TBC1D31: variants seen among roughly 807,000 people sequenced by gnomAD.
The protein encoded by TBC1D31 is TBC1 domain family member 31.
Under a neutral mutation model 132.9 loss-of-function variants are expected in TBC1D31, and 99 were observed. The ratio of observed to expected loss-of-function variants is 0.74; its 90% confidence interval spans 0.63 to 0.88. The LOEUF (loss-of-function observed/expected upper bound fraction) is 0.88. Among genes scored for constraint, TBC1D31 ranks in the 40% least tolerant of loss-of-function variants. TBC1D31 has a pLI of 0.00. For missense variants in TBC1D31, 1,134 were observed against 1,256.6 expected, an observed-to-expected ratio of 0.90 and a Z score of 1.48; for synonymous variants, 385 against 419.4, an observed-to-expected ratio of 0.92 and a Z score of 1.00.
At chr8:123,077,668 A>C (rs1044645102) in intron 2 of TBC1D31, among the ~76,000 whole-genome samples, 2 of 151,976 alleles carry the variant, frequency 1.3e-5, no homozygotes, top group Non-Finnish European at 2.9e-5. Context: ...TAGTTTGTCA[A>C]TTTCTGGTAC....
Position 123,146,511 on chromosome 8 carries a change from A to G in TBC1D31, c.2974+1656A>G, listed in dbSNP as rs138670217. Among the ~76,000 whole-genome samples the G allele has an allele frequency of 1.1e-4, 16 of 152,046 alleles. 1 individual carries two copies. In the East Asian group the frequency reaches 2.3e-3, roughly 22 times the overall value. ...ATGTACCAGTACTTCATTCCTTTTT[A>G]TTGCTGAATAATATTCCATTGTGTG... On this transcript the variant is annotated intron_variant, in intron 20 of 21. Transcript: ENST00000287380.
downstream of TBC1D31, among the ~76,000 whole-genome samples, chr8:123,155,964 G>C (rs531268829): frequency 1.1e-4 from 16 of 152,134 alleles, no homozygotes; most frequent in Non-Finnish European, 2.1e-4. The surrounding 1 kb of genome is among the most constrained non-coding windows in gnomAD (Gnocchi z 4.1). Context: ...AAACCAACCC[G>C]TGGTTATTTT....
rs1278454002 is a variant in TBC1D31, at chr8:123,082,597, C to A, written c.225-105C>A. The A allele has an allele frequency of 1.3e-5, 10 of 745,376 alleles. No homozygotes were observed. The East Asian group carries it at 1.9e-4, about 14-fold the overall frequency. 46.2% of individuals were successfully genotyped at this position (745,376 alleles called of 1,614,324 possible). A position where few individuals can be genotyped will look rare whatever the true frequency, so the allele number is the denominator to read the frequency against. On this transcript the variant is annotated intron_variant, in intron 2 of 21. Coordinates refer to ENST00000287380, the MANE Select transcript of TBC1D31 (RefSeq NM_145647.4). ...ATCTATTTTTGGCCTAAAATGGTAGCTCATTTTTCTGGGTTTCATTTTCTT... is the reference window on the plus strand; with the variant it reads ...ATCTATTTTTGGCCTAAAATGGTAGATCATTTTTCTGGGTTTCATTTTCTT...
Position 123,097,609 on chromosome 8 carries a change from C to T in TBC1D31, c.831+168C>T, listed in dbSNP as rs1481018147. 3 of 679,174 alleles carry T rather than the reference C, an allele frequency of 4.4e-6. No individual in the cohort carries two copies. In the East Asian group the frequency reaches 9.0e-5, roughly 20 times the overall value. The allele number at this position is 679,174 out of a possible 1,614,324, so 42.1% of individuals were successfully genotyped here. On this transcript the variant is annotated intron_variant, in intron 6 of 21. Transcript: ENST00000287380. ...CTAGGATTGAAAAAAATTTCAAAAT[C>T]TTGTATTCTTTATACCATTGACAAT...
At chr8:123,136,456 G>T (rs1047920450) in intron 17 of TBC1D31, among the ~76,000 whole-genome samples, 1 of 152,138 alleles carries the variant, frequency 6.6e-6, no homozygotes, top group African/African-American at 2.4e-5. Context: ...TCCTGCAACA[G>T]AAGTTATGTT....
chr8:123,086,444 G>A (rs1319938876), intron 4 of TBC1D31, among the ~76,000 whole-genome samples: 2 of 152,150 alleles, frequency 1.3e-5, no homozygotes, highest in East Asian at 1.9e-4. Context: ...TGCCAGAGCC[G>A]GCAGGGTGTG....
intron 5 of TBC1D31, among the ~76,000 whole-genome samples, chr8:123,093,966 T>TTG (rs776616323): frequency 1.3e-5 from 2 of 151,994 alleles, no homozygotes; most frequent in East Asian, 1.9e-4. Flanking sequence ...TTTTTTTTGT[T>TTG]TGTGTGTGTG....
intron 17 of TBC1D31, 85 bp downstream of exon 17, chr8:123,134,291 G>A (rs1005291951): frequency 5.9e-6 from 6 of 1,017,414 alleles, no homozygotes; most frequent in Admixed American, 1.9e-5. Context: ...CACTTTGGGA[G>A]GATGAGGTGG....
intron 17 of TBC1D31, among the ~76,000 whole-genome samples, chr8:123,135,086 G>T (rs1343656898): frequency 6.6e-6 from 1 of 152,160 alleles, no homozygotes; most frequent in Non-Finnish European, 1.5e-5. Flanking sequence ...TTTTTGTAGA[G>T]ATAGGGTTTC....
At chr8:123,086,677 G>A (rs549045381) in intron 4 of TBC1D31, among the ~76,000 whole-genome samples, 3 of 151,050 alleles carry the variant, frequency 2.0e-5, no homozygotes, top group Admixed American at 6.6e-5. Flanking sequence ...CCACATCACC[G>A]ATTCCCCCTC....
At chr8:123,109,894 G>A (rs1327778274) in intron 10 of TBC1D31, among the ~76,000 whole-genome samples, 3 of 152,162 alleles carry the variant, frequency 2.0e-5, no homozygotes, top group East Asian at 1.9e-4. Flanking sequence ...AGGAATTGGC[G>A]ACCAGCCTGG....
intron 10 of TBC1D31, among the ~76,000 whole-genome samples, chr8:123,110,909 ACT>A (rs1208269185): frequency 1.3e-5 from 2 of 152,140 alleles, no homozygotes; most frequent in Admixed American, 1.3e-4. Context: ...TAATCTATAG[ACT>A]CTGATACCTC....
In TBC1D31 at chr8:123,129,191, A is replaced by T. The variant is rs557772208; in HGVS notation, c.2243A>T (p.Glu748Val). 1.2e-6 allele frequency: 2 copies of T among 1,601,938 alleles called. No homozygotes were observed. Among genetic ancestry groups the T allele is most frequent in the Non-Finnish European group, 1.7e-6 (2 of 1,171,468 alleles). Reference sequence around the variant, plus strand: ...AGAAGAGAAATGCTCTTACAAGAGGAGGAGAAAATGATACAACAAAGACAG... The same window carrying T: ...AGAAGAGAAATGCTCTTACAAGAGGTGGAGAAAATGATACAACAAAGACAG... The part of the protein sequence containing the change: ...ETRREMLLQE[E>V]EKMIQQRQRL... The change falls in exon 15 of 22, where the codon GAG (glutamate) becomes GTG (valine). Residue 748 changes from glutamate to valine, a missense_variant. Coordinates refer to ENST00000287380, the MANE Select transcript of TBC1D31 (RefSeq NM_145647.4).
chr8:123,163,211 C>T, the TBC1D31 span, among the ~76,000 whole-genome samples: 2 of 151,942 alleles, frequency 1.3e-5, no homozygotes, highest in Non-Finnish European at 2.9e-5. Context: ...TGAGTCACCG[C>T]ACCTGGCCTT....
chr8:123,140,645 G>T, intron 17 of TBC1D31, 116 bp from the exon 18 acceptor site: 99 of 811,942 alleles, frequency 1.2e-4, no homozygotes, highest in Middle Eastern at 3.9e-4. Flanking sequence ...ATTTTACTTT[G>T]AAAATTAGAT....
rs145926757 is a variant in TBC1D31, at chr8:123,097,221, C to T, written c.672-61C>T. The T allele has an allele frequency of 4.1e-4, 641 of 1,569,632 alleles. 4 individuals are homozygous for T. In the African/African-American group the frequency reaches 7.2e-3, roughly 18 times the overall value. On this transcript the variant is annotated intron_variant, in intron 5 of 21. Transcript: ENST00000287380. ...TTTCTGTCATCATAGAAAGTTCTGT[C>T]GGACAGTGCTGCTACAAACAATTGA...
intron 17 of TBC1D31, among the ~76,000 whole-genome samples, chr8:123,138,316 T>C (rs1165562298): frequency 6.6e-6 from 1 of 152,236 alleles, no homozygotes; most frequent in Non-Finnish European, 1.5e-5. Flanking sequence ...TGGTTTACAA[T>C]TTTTGATAAT....
chr8:123,142,431 C>A lies in TBC1D31; in HGVS notation c.2810C>A (p.Ala937Glu). 6.3e-7 allele frequency: 1 copy of A among 1,586,350 alleles called. No individual in the cohort carries two copies. The highest frequency in any genetic ancestry group is 1.2e-5 in the South Asian group (1 of 85,900). The stretch of plus-strand genomic sequence containing the variant: ...AGGAAAGAAATAGAGATAATAAATG[C>A]AATGGTGGAGGAGGAAGCCAAGAAG... ...NRRKEIEIIN[A>E]MVEEEAKKWK... The change falls in exon 19 of 22, where the codon GCA becomes GAA. Residue 937 changes from alanine to glutamate, a missense_variant. Transcript: ENST00000287380.
At chr8:123,080,882 G>A (rs938274009) in intron 2 of TBC1D31, among the ~76,000 whole-genome samples, 17 of 152,250 alleles carry the variant, frequency 1.1e-4, no homozygotes, top group Admixed American at 3.9e-4. Flanking sequence ...TTAGCTCAAA[G>A]TAATCCTTAT....
Sources: allele counts gnomAD v4.1 joint callset (sites outside exome capture counted in the v4.1 genomes callset), GRCh38; gene constraint gnomAD v4.1.1; non-coding constraint Gnocchi (gnomAD v3.1); transcripts MANE v1.5; gene names NCBI Gene and HGNC (gene_info 2026-07-23, HGNC 2026-07-21).